SLIT1: variants seen among roughly 807,000 people sequenced by gnomAD.
SLIT1 encodes slit homolog 1 protein.
Under a neutral mutation model 186.1 loss-of-function variants are expected in SLIT1, and 66 were observed. That is an observed-to-expected ratio of 0.35 (90% CI 0.29 to 0.44). The LOEUF is 0.44. Ranked by LOEUF, SLIT1 falls within the 20% of genes least tolerant of loss-of-function variation. The pLI, the probability that SLIT1 is intolerant of heterozygous loss-of-function variation, is 1.00. For synonymous variants in SLIT1, 761 were observed against 833.8 expected (o/e 0.91, Z 1.50); for missense variants, 1,638 against 2,037.4 (o/e 0.80, Z 3.77).
At chr10:97,076,265 C>T (rs899907054) in intron 4 of SLIT1, among the ~76,000 whole-genome samples, 3 of 152,176 alleles carry the variant, frequency 2.0e-5, no homozygotes, top group Non-Finnish European at 4.4e-5. Context: ...AGTCCCAGCC[C>T]TGGCTCCCTG....
At chr10:97,030,849 T>C in intron 24 of SLIT1, 21 bp from the exon 25 acceptor site, 1 of 1,608,028 alleles carries the variant, frequency 6.2e-7, no homozygotes, top group Non-Finnish European at 8.5e-7. Flanking sequence ...AAGAGGCTGC[T>C]GGTGCCTTAT....
intron 13 of SLIT1, among the ~76,000 whole-genome samples, chr10:97,051,593 C>T (rs760507613): frequency 2.0e-5 from 3 of 152,086 alleles, no homozygotes; most frequent in East Asian, 1.9e-4. Context: ...GGGTGGATCA[C>T]GAGGTCAGGA....
At position 97,013,763 on chromosome 10, in the gene SLIT1, C is replaced by A. The variant is rs1051050393; in HGVS notation, c.3181G>T (p.Val1061Leu). The A allele has an allele frequency of 6.4e-7, 1 of 1,551,454 alleles. No individual in the cohort carries two copies. The highest frequency in any genetic ancestry group is 1.4e-5 in the African/African-American group (1 of 73,050). Residue 1061 changes from valine (V) to leucine (L), a missense_variant, in exon 30 of 37, where the codon GTG (valine) becomes TTG (leucine). By Grantham distance (32) the Val-to-Leu change is conservative. Coordinates refer to ENST00000266058, the MANE Select transcript of SLIT1 (RefSeq NM_003061.3). Reference sequence around the variant, plus strand: ...CACCTGGGCCCATCCGGGGTGCCCACACACTGGGCCTCGTGTTGACATGGG... The same window carrying A: ...CACCTGGGCCCATCCGGGGTGCCCAAACACTGGGCCTCGTGTTGACATGGG... Reference protein sequence around the residue: ...LNPCQHEAQCVGTPDGPRCEC... With the variant: ...LNPCQHEAQCLGTPDGPRCEC...
At chr10:97,003,105 C>T in intron 34 of SLIT1, 113 bp from the exon 35 acceptor site, 2 of 1,031,620 alleles carry the variant, frequency 1.9e-6, no homozygotes, top group South Asian at 3.1e-5. Context: ...CGGCCTCTGT[C>T]CTTCATCTCT....
chr10:97,110,751 G>A (rs1025302466), intron 4 of SLIT1, among the ~76,000 whole-genome samples: 15 of 152,186 alleles, frequency 9.9e-5, no homozygotes, highest in Admixed American at 7.9e-4. Context: ...GAGAGGGAAC[G>A]GGACCTTCCT....
At chr10:97,185,171 C>A (rs1850394170) in intron 1 of SLIT1, among the ~76,000 whole-genome samples, 1 of 152,274 alleles carries the variant, frequency 6.6e-6, no homozygotes, top group Non-Finnish European at 1.5e-5. Flanking sequence ...AGTTCGCAGG[C>A]ACCCTGGAGG....
chr10:97,171,544 G>C (rs939927665), intron 1 of SLIT1, among the ~76,000 whole-genome samples: 2 of 152,180 alleles, frequency 1.3e-5, no homozygotes, highest in African/African-American at 4.8e-5. Flanking sequence ...TACTGACCAG[G>C]CACAGTGGCT....
chr10:97,012,075 TACACACACAC>T (rs35171328), intron 30 of SLIT1, among the ~76,000 whole-genome samples: 15,201 of 130,854 alleles, frequency 0.12, 835 homozygotes, highest in African/African-American at 0.17. Context: ...TCAAGCCCAG[TACACACACAC>T]ACACACACAC....
At chr10:97,112,921 C>A (rs970101892) in intron 4 of SLIT1, among the ~76,000 whole-genome samples, 1 of 152,036 alleles carries the variant, frequency 6.6e-6, no homozygotes, top group African/African-American at 2.4e-5. Context: ...TTCAAACTCC[C>A]GGGCTCAAGC....
At chr10:97,124,135 A>G (rs1299683708) in intron 4 of SLIT1, among the ~76,000 whole-genome samples, 1 of 152,248 alleles carries the variant, frequency 6.6e-6, no homozygotes, top group Non-Finnish European at 1.5e-5. Flanking sequence ...GCTCTGGGAT[A>G]TTTGAATTTT....
rs776339518 is a variant in SLIT1, at chr10:97,010,034, G to A, written c.3341+959C>T. ...ACAGTTAAACATACAGTTAACATAC[G>A]ACTCAGAAAATCCACTCCTACGCAT... On this transcript the variant is annotated intron_variant, in intron 31 of 36. Transcript: ENST00000266058. The surrounding 1 kb of genome is among the most constrained non-coding windows in gnomAD (Gnocchi z 4.8). Among the ~76,000 whole-genome samples, 2 of 152,118 alleles carry A rather than the reference G, an allele frequency of 1.3e-5. No homozygotes were observed. Among genetic ancestry groups the A allele is most frequent in the Admixed American group, 6.5e-5 (1 of 15,274 alleles).
intron 4 of SLIT1, among the ~76,000 whole-genome samples, chr10:97,105,773 G>A (rs1183918074): frequency 1.3e-5 from 2 of 152,014 alleles, no homozygotes; most frequent in African/African-American, 4.8e-5. Context: ...TGGCCCCTCT[G>A]GAGGCCACAG....
chr10:97,164,930 G>A (rs1218881411), intron 1 of SLIT1, 40 bp from the exon 2 acceptor site: 2 of 1,518,934 alleles, frequency 1.3e-6, no homozygotes, highest in African/African-American at 2.7e-5. Flanking sequence ...GGGGTGAGCA[G>A]GGTAAGCCCC....
At chr10:97,110,665 AAAGGAAATC>A (rs1483132557) in intron 4 of SLIT1, among the ~76,000 whole-genome samples, 18 of 152,358 alleles carry the variant, frequency 1.2e-4, no homozygotes, top group African/African-American at 3.8e-4. Context: ...GCAACACCAA[AAAGGAAATC>A]AAGGAAGTTA....
At chr10:97,030,267 C>T (rs908620474) in intron 25 of SLIT1, among the ~76,000 whole-genome samples, 2 of 152,158 alleles carry the variant, frequency 1.3e-5, no homozygotes, top group East Asian at 1.9e-4. Flanking sequence ...AATTACAGCA[C>T]CTATTGGAGG....
At chr10:97,050,079 C>A (rs1848773966) in intron 13 of SLIT1, among the ~76,000 whole-genome samples, 1 of 152,114 alleles carries the variant, frequency 6.6e-6, no homozygotes, top group Admixed American at 6.5e-5. Context: ...ACCCAGGGAG[C>A]AGAGGTTGCG....
chr10:97,053,016 G>C (rs529906339), intron 13 of SLIT1, among the ~76,000 whole-genome samples: 1 of 152,202 alleles, frequency 6.6e-6, no homozygotes, highest in Non-Finnish European at 1.5e-5. Flanking sequence ...TGGTGATGGC[G>C]AAGAGATGCC....
intron 4 of SLIT1, among the ~76,000 whole-genome samples, chr10:97,128,046 AG>A (rs1418313663): frequency 1.3e-5 from 2 of 151,984 alleles, no homozygotes; most frequent in East Asian, 1.9e-4. Flanking sequence ...ATGCAGGGTC[AG>A]GGAACAAATG....
chr10:97,040,785 A>G (rs1848683843), intron 20 of SLIT1, among the ~76,000 whole-genome samples: 1 of 152,202 alleles, frequency 6.6e-6, no homozygotes, highest in Non-Finnish European at 1.5e-5. Context: ...TCATTCATCT[A>G]TTCAAAAAAT....
Sources: allele counts gnomAD v4.1 joint callset (sites outside exome capture counted in the v4.1 genomes callset), GRCh38; gene constraint gnomAD v4.1.1; non-coding constraint Gnocchi (gnomAD v3.1); transcripts MANE v1.5; gene names NCBI Gene and HGNC (gene_info 2026-07-23, HGNC 2026-07-21).